Variants in TLK2 observed in about 807,000 individuals in gnomAD.
TLK2 encodes the protein serine/threonine-protein kinase tousled-like 2.
A neutral mutation model predicts 117.3 loss-of-function variants in TLK2; 6 were observed. That is an observed-to-expected ratio of 0.05 (90% confidence interval 0.03 to 0.10). The LOEUF is 0.10. TLK2 is among the 10% of genes least tolerant of loss of function. The pLI is 1.00. For missense variants in TLK2, 299 were observed against 901.2 expected (o/e 0.33, Z 8.56); for synonymous variants, 257 against 316.7 (o/e 0.81, Z 2.00).
intron 3 of TLK2, among the ~76,000 whole-genome samples, chr17:62,521,514 C>A (rs188857152): frequency 2.7e-4 from 41 of 152,260 alleles, no homozygotes; most frequent in African/African-American, 9.6e-4. Flanking sequence ...AAGCAGTCCT[C>A]CTGTCTCAGC....
intron 7 of TLK2, among the ~76,000 whole-genome samples, chr17:62,548,006 T>C (rs2078078552): frequency 6.6e-6 from 1 of 152,222 alleles, no homozygotes; most frequent in Non-Finnish European, 1.5e-5. Flanking sequence ...ACTTGCATTA[T>C]GGGTAATTAA....
At chr17:62,538,573 G>A (rs1160607872) in intron 7 of TLK2, among the ~76,000 whole-genome samples, 1 of 152,300 alleles carries the variant, frequency 6.6e-6, no homozygotes, top group East Asian at 1.9e-4. Context: ...TAAAAAGTAT[G>A]GTATGTAGGC....
intron 16 of TLK2, among the ~76,000 whole-genome samples, chr17:62,595,048 A>G (rs1463411456): frequency 6.6e-6 from 1 of 151,582 alleles, no homozygotes; most frequent in East Asian, 1.9e-4. Flanking sequence ...TGCAACCTCC[A>G]CCTCCCAGGT....
At chr17:62,482,021 C>T (rs961326434) in intron 2 of TLK2, among the ~76,000 whole-genome samples, 1 of 152,098 alleles carries the variant, frequency 6.6e-6, no homozygotes, top group Non-Finnish European at 1.5e-5. Context: ...TCTCGGCTCA[C>T]TGCAGCCTCC....
intron 2 of TLK2, among the ~76,000 whole-genome samples, chr17:62,505,636 A>G (rs1598273949): frequency 1.3e-5 from 2 of 151,698 alleles, no homozygotes; most frequent in East Asian, 3.9e-4. Context: ...AATGCTTTTA[A>G]TACACTGTTT....
At chr17:62,491,999 A>G (rs1473660982) in intron 2 of TLK2, among the ~76,000 whole-genome samples, 2 of 152,248 alleles carry the variant, frequency 1.3e-5, no homozygotes, top group Non-Finnish European at 2.9e-5. Flanking sequence ...AGCTAGCTCT[A>G]GTTAACTTAG....
chr17:62,489,584 C>T (rs910145514), intron 2 of TLK2, among the ~76,000 whole-genome samples: 1 of 151,996 alleles, frequency 6.6e-6, no homozygotes, highest in African/African-American at 2.4e-5. Flanking sequence ...ACTTCCTCAC[C>T]CTATTTTCTC....
intron 2 of TLK2, among the ~76,000 whole-genome samples, chr17:62,505,918 C>T: frequency 6.6e-6 from 1 of 152,144 alleles, no homozygotes; most frequent in Non-Finnish European, 1.5e-5. Context: ...GTCTCAAACT[C>T]CTGGGCTCAA....
rs1598775833 is a variant in TLK2 at position 62,587,473 on chromosome 17, T to A, written c.1460+1247T>A. Among the ~76,000 whole-genome samples, 5 of 152,138 alleles carry A rather than the reference T, an allele frequency of 3.3e-5. No homozygotes were observed. The East Asian group carries it at 7.7e-4, about 23-fold the overall frequency. On this transcript the variant is annotated intron_variant, in intron 16 of 21. Transcript: ENST00000346027. ...TAATTTGGAAGGGGAAAAACAGTGG[T>A]CTTTGAAGTAGCCCTTTAGTTGGCT...
Position 62,513,933 on chromosome 17 carries a change from C to T in TLK2, c.82-6840C>T, listed in dbSNP as rs192551156. Among the ~76,000 whole-genome samples the T allele has an allele frequency of 1.1e-3, 160 of 152,008 alleles. 2 individuals are homozygous for T. The East Asian group carries it at 0.026, about 24-fold the overall frequency. ...TGAACTCCTGACCTTGTGATCCACCCGCCTCAGTCACCCAAAGTGTTGGGA... is the reference window on the plus strand; with the variant it reads ...TGAACTCCTGACCTTGTGATCCACCTGCCTCAGTCACCCAAAGTGTTGGGA... On this transcript the variant is annotated intron_variant, in intron 2 of 21. Coordinates refer to ENST00000346027, the MANE Select transcript of TLK2 (RefSeq NM_006852.6).
chr17:62,532,379 C>T (rs1366437894), intron 6 of TLK2, among the ~76,000 whole-genome samples: 2 of 152,104 alleles, frequency 1.3e-5, no homozygotes, highest in Non-Finnish European at 2.9e-5. Flanking sequence ...GCTCGTTCTC[C>T]CATGCAGTGA....
intron 13 of TLK2, among the ~76,000 whole-genome samples, chr17:62,577,788 G>A (rs2080918610): frequency 6.6e-6 from 1 of 152,192 alleles, no homozygotes; most frequent in African/African-American, 2.4e-5. Context: ...GCTCACACCT[G>A]TAATGCCAGC....
chr17:62,599,640 T>A (rs1213201170), intron 17 of TLK2, among the ~76,000 whole-genome samples: 1 of 152,192 alleles, frequency 6.6e-6, no homozygotes, highest in African/African-American at 2.4e-5. Context: ...AGGGTGCTAA[T>A]GGCTTCCTGC....
intron 21 of TLK2, among the ~76,000 whole-genome samples, chr17:62,608,417 G>A (rs1350754645): frequency 6.6e-6 from 1 of 152,174 alleles, no homozygotes; most frequent in East Asian, 1.9e-4. Context: ...GGGAGGGAGA[G>A]CAGACTCCAG....
chr17:62,554,224 A>G (rs1222932818), intron 9 of TLK2, among the ~76,000 whole-genome samples: 1 of 152,360 alleles, frequency 6.6e-6, no homozygotes, highest in African/African-American at 2.4e-5. Context: ...AGATACCACT[A>G]GAAAATATCA....
intron 17 of TLK2, 171 bp from the exon 18 acceptor site, chr17:62,600,480 T>TA (rs749261682): frequency 6.1e-5 from 35 of 569,156 alleles, no homozygotes; most frequent in Non-Finnish European, 9.2e-5. Flanking sequence ...AGCAGTTTCT[T>TA]ACCAGAAACC....
intron 19 of TLK2, among the ~76,000 whole-genome samples, chr17:62,603,399 G>T (rs749318689): frequency 6.6e-6 from 1 of 152,156 alleles, no homozygotes; most frequent in Admixed American, 6.6e-5. Context: ...CACTGTGGTG[G>T]TTATTGTGGG....
chr17:62,600,910 C>T (rs1025805813), intron 18 of TLK2, 90 bp downstream of exon 18: 146 of 1,317,300 alleles, frequency 1.1e-4, no homozygotes, highest in Non-Finnish European at 1.5e-4. Flanking sequence ...AATTTCACAG[C>T]AGCCAAGAAA....
intron 19 of TLK2, among the ~76,000 whole-genome samples, chr17:62,605,683 C>A (rs1002476654): frequency 6.6e-6 from 1 of 152,034 alleles, no homozygotes; most frequent in Non-Finnish European, 1.5e-5. Flanking sequence ...CATTGACTTT[C>A]CATATAAGTC....
Sources: gnomAD v4.1 joint callset for allele counts (sites outside exome capture counted in the v4.1 genomes callset) on GRCh38, gnomAD v4.1.1 for gene constraint, MANE v1.5 for transcripts, NCBI Gene and HGNC (gene_info 2026-07-23, HGNC 2026-07-21) for gene names.